INPP5J: variants seen among roughly 807,000 people sequenced by gnomAD.
The protein encoded by INPP5J is inositol polyphosphate-5-phosphatase J.
INPP5J carries 75 observed loss-of-function variants against 86.6 expected under a neutral mutation model. The observed-to-expected ratio is 0.87, with a 90% CI of 0.72 to 1.05. INPP5J has a LOEUF of 1.05. Among genes scored for constraint, INPP5J ranks in the 50% least tolerant of loss-of-function variants. The pLI is 0.00. For missense variants in INPP5J, 1,229 were observed against 1,341.2 expected, an observed-to-expected ratio of 0.92 and a Z score of 1.31; for synonymous variants, 540 against 550.0, an observed-to-expected ratio of 0.98 and a Z score of 0.25.
Position 31,134,034 on chromosome 22 carries a change from G to C in INPP5J, c.2636G>C (p.Gly879Ala), listed in dbSNP as rs1209463383. ...LAPKSRSPSPGKSKRHRSRSP... is the reference protein window; with the variant it reads ...LAPKSRSPSPAKSKRHRSRSP... Reference sequence around the variant, plus strand: ...CCCAAGTCCCGCAGCCCCAGTCCTGGCAAGTCCAAGCGACACCGCAGCCGC... The same window carrying C: ...CCCAAGTCCCGCAGCCCCAGTCCTGCCAAGTCCAAGCGACACCGCAGCCGC... The change falls in exon 13 of 13, where the codon GGC becomes GCC. Residue 879 changes from glycine to alanine, a missense_variant. By Grantham distance (60) the Gly-to-Ala change is moderately conservative. Coordinates refer to ENST00000331075, the MANE Select transcript of INPP5J (RefSeq NM_001284285.2). 1 of 1,602,746 alleles carries C rather than the reference G, an allele frequency of 6.2e-7. No individual in the cohort carries two copies. Among genetic ancestry groups the C allele is most frequent in the Non-Finnish European group, 8.5e-7 (1 of 1,175,710 alleles).
In INPP5J at chr22:31,133,253, G is replaced by A. The variant is rs965133362; in HGVS notation, c.2331+18G>A. 20 of 1,604,690 alleles carry A rather than the reference G, an allele frequency of 1.2e-5. No homozygotes were observed. Among genetic ancestry groups the A allele is most frequent in the Admixed American group, 1.7e-5 (1 of 58,994 alleles). ...TATACCGGGTGAGAGGGGCAGTGGT[G>A]GTCAGCGACTCAGGGAAGAAAGGGG... On this transcript the variant is annotated intron_variant, in intron 10 of 12. Coordinates refer to ENST00000331075, the MANE Select transcript of INPP5J (RefSeq NM_001284285.2).
intron 2 of INPP5J, 144 bp downstream of exon 2, chr22:31,126,154 C>T (rs972878279): frequency 9.2e-5 from 81 of 884,686 alleles, no homozygotes; most frequent in Non-Finnish European, 1.1e-4. Flanking sequence ...CACTCTGTGA[C>T]GCTCAGAAGA....
intron 9 of INPP5J, among the ~76,000 whole-genome samples, chr22:31,132,609 G>A (rs993283739): frequency 2.6e-5 from 4 of 152,028 alleles, no homozygotes; most frequent in African/African-American, 7.3e-5. Flanking sequence ...GCGTGATGGC[G>A]GTACCTGTGG....
At chr22:31,123,235 T>C in intron 1 of INPP5J, 116 bp downstream of exon 1, 1 of 631,162 alleles carries the variant, frequency 1.6e-6, no homozygotes, top group Non-Finnish European at 2.5e-6. Flanking sequence ...TACTTTCCTC[T>C]GCTCAGCGAG....
At chr22:31,132,206 G>T (rs2147884614) in intron 9 of INPP5J, among the ~76,000 whole-genome samples, 1 of 152,346 alleles carries the variant, frequency 6.6e-6, no homozygotes, top group African/African-American at 2.4e-5. Context: ...TAGCGAGTTA[G>T]CAGTAGAGCC....
Position 31,134,112 on chromosome 22 carries a change from A to G in INPP5J, c.2714A>G (p.Glu905Gly), listed in dbSNP as rs745519372. 11 of 1,552,268 alleles carry G rather than the reference A, an allele frequency of 7.1e-6. No homozygotes were observed. Among genetic ancestry groups the G allele is most frequent in the Non-Finnish European group, 9.6e-6 (11 of 1,148,054 alleles). ...PGLALRPSSRERRGASRSPSP... is the reference protein window; with the variant it reads ...PGLALRPSSRGRRGASRSPSP... ...CTTGCCCTACGGCCCTCATCCCGTG[A>G]ACGCCGTGGTGCCAGCCGTAGCCCC... The change falls in exon 13 of 13, where the codon GAA becomes GGA. Residue 905 changes from glutamate to glycine, a missense_variant. By Grantham distance (98) the Glu-to-Gly change is moderately conservative (BLOSUM62 -2). Coordinates refer to ENST00000331075, the MANE Select transcript of INPP5J (RefSeq NM_001284285.2).
Position 31,128,205 on chromosome 22 carries a change from C to A in INPP5J, c.1900-9C>A, listed in dbSNP as rs1411249349. 1.9e-6 allele frequency: 3 copies of A among 1,580,516 alleles called. No individual in the cohort carries two copies. Among genetic ancestry groups the A allele is most frequent in the East Asian group, 2.3e-5 (1 of 43,394 alleles). Reference sequence around the variant, plus strand: ...TGTTGTCCAATCTGCTCTCCTGGACCCCCCACAGCTCAACATGGCCAAGAA... The same window carrying A: ...TGTTGTCCAATCTGCTCTCCTGGACACCCCACAGCTCAACATGGCCAAGAA... On this transcript the variant is annotated splice_polypyrimidine_tract_variant and intron_variant, in intron 7 of 12. Coordinates refer to ENST00000331075, the MANE Select transcript of INPP5J (RefSeq NM_001284285.2).
Position 31,134,603 on chromosome 22 carries a change from GC to G in INPP5J, c.*188del. 1 of 506,194 alleles carries G rather than the reference GC, an allele frequency of 2.0e-6. No individual in the cohort carries two copies. The highest frequency in any genetic ancestry group is 3.3e-6 in the Non-Finnish European group (1 of 306,162). The allele number at this position is 506,194 out of a possible 1,614,324, so 31.4% of individuals were successfully genotyped here. On this transcript the variant is annotated 3_prime_UTR_variant, in exon 13 of 13. Transcript: ENST00000331075. ...CACCTCAACTGTGACAATCAGCAAA[GC>G]CCCACCCAGGCCCCCATCTGGGATG...
chr22:31,134,068 A>G lies in INPP5J; in HGVS notation c.2670A>G (p.Gly890=), dbSNP rs1278865258. 6.4e-7 allele frequency: 1 copy of G among 1,573,830 alleles called. No individual in the cohort carries two copies. Among genetic ancestry groups the G allele is most frequent in the Non-Finnish European group, 8.6e-7 (1 of 1,160,998 alleles). The change falls in exon 13 of 13, where the codon GGA becomes GGG. Residue 890 remains glycine, a synonymous_variant. Coordinates refer to ENST00000331075, the MANE Select transcript of INPP5J (RefSeq NM_001284285.2). ...KSKRHRSRSP[G]LARFPGLALR... ...AGCGACACCGCAGCCGCAGCCCGGG[A>G]CTGGCCAGGTTCCCTGGGCTTGCCC...
intron 12 of INPP5J, 38 bp from the exon 13 acceptor site, chr22:31,133,874 TG>T: frequency 6.2e-7 from 1 of 1,600,224 alleles, no homozygotes. Context: ...GTGGCTGGGT[TG>T]GGGAGCAGGG....
At chr22:31,127,128 C>A in intron 5 of INPP5J, 91 bp downstream of exon 5, 1 of 957,160 alleles carries the variant, frequency 1.0e-6, no homozygotes, top group Non-Finnish European at 1.6e-6. Flanking sequence ...GTCCCCTTCC[C>A]ATCCTCCACC....
Position 31,126,996 on chromosome 22 carries a change from G to A in INPP5J, c.1570G>A (p.Val524Met), listed in dbSNP as rs750582154. Residue 524 changes from valine to methionine, a missense_variant, in exon 5 of 13, where the codon GTG (valine) becomes ATG (methionine). Val to Met is a conservative substitution (Grantham distance 21). Transcript: ENST00000331075. ...CTACCACCTGCCCTTCCTGCGAGAC[G>A]TGCAGACCGACTGCACGCGCACTGG... ...KYYHLPFLRD[V>M]QTDCTRTGLG... 1.3e-5 allele frequency: 21 copies of A among 1,608,736 alleles called. No individual in the cohort carries two copies. Among genetic ancestry groups the A allele is most frequent in the Admixed American group, 5.1e-5 (3 of 59,300 alleles).
intron 5 of INPP5J, 21 bp from the exon 6 acceptor site, chr22:31,127,336 C>A: frequency 6.3e-7 from 1 of 1,590,088 alleles, no homozygotes; most frequent in South Asian, 1.2e-5. Context: ...GCCCATGAGC[C>A]ATCCGACCCT....
Position 31,125,208 on chromosome 22 carries a change from C to A in INPP5J, c.469C>A (p.Pro157Thr). 6.4e-7 allele frequency: 1 copy of A among 1,550,486 alleles called. No individual in the cohort carries two copies. Among genetic ancestry groups the A allele is most frequent in the South Asian group, 1.2e-5 (1 of 84,058 alleles). The change falls in exon 2 of 13, where the codon CCC becomes ACC. Residue 157 changes from proline (P) to threonine (T), a missense_variant. Coordinates refer to ENST00000331075, the MANE Select transcript of INPP5J (RefSeq NM_001284285.2). ...AAGATCTCCCCCAGTCACCCTGGGG[C>A]CCAATCTGGCCCCAACCTCCAGAGA... ...GPRSPPVTLG[P>T]NLAPTSRDQK... is the part of the protein sequence containing the mutation.
intron 6 of INPP5J, 118 bp from the exon 7 acceptor site, chr22:31,127,833 C>G: frequency 2.9e-6 from 2 of 699,748 alleles, no homozygotes; most frequent in Non-Finnish European, 5.1e-6. Context: ...CTCACCCACT[C>G]ACTACATCCC....
chr22:31,125,029 C>T lies in INPP5J; in HGVS notation c.290C>T (p.Thr97Ile), dbSNP rs1161858689. Residue 97 changes from threonine (T) to isoleucine (I), a missense_variant, in exon 2 of 13, where the codon ACA becomes ATA. Thr to Ile is a moderately conservative substitution (Grantham distance 89). Coordinates refer to ENST00000331075, the MANE Select transcript of INPP5J (RefSeq NM_001284285.2). ...APLCTPEGQKTATAHRSSSLA... is the reference protein window; with the variant it reads ...APLCTPEGQKIATAHRSSSLA... ...CTGTGTACCCCTGAAGGGCAGAAAA[C>T]AGCTACTGCCCACCGCAGCTCCAGC... 3.2e-6 allele frequency: 5 copies of T among 1,555,014 alleles called. No individual in the cohort carries two copies. The highest frequency in any genetic ancestry group is 4.3e-6 in the Non-Finnish European group (5 of 1,149,550).
rs574967478 is a variant in INPP5J, at chr22:31,124,977, G to T, written c.238G>T (p.Ala80Ser). 87 of 1,595,348 alleles carry T rather than the reference G, an allele frequency of 5.5e-5. No homozygotes were observed. In the African/African-American group the frequency reaches 1.0e-3, roughly 19 times the overall value. The change falls in exon 2 of 13, where the codon GCA (alanine) becomes TCA (serine). Residue 80 changes from alanine (A) to serine (S), a missense_variant. Transcript: ENST00000331075. ...ASSEGPRLAL[A>S]SPRPILAPLC... Reference sequence around the variant, plus strand: ...CTCGGAAGGACCGAGGCTGGCTCTGGCATCTCCCCGACCAATCCTGGCTCC... The same window carrying T: ...CTCGGAAGGACCGAGGCTGGCTCTGTCATCTCCCCGACCAATCCTGGCTCC...
chr22:31,133,738 T>TG, intron 12 of INPP5J, 24 bp downstream of exon 12: 1 of 1,594,664 alleles, frequency 6.3e-7, no homozygotes, highest in South Asian at 1.1e-5. Flanking sequence ...ACTGCTGGGC[T>TG]GGGGGTGCCT....
rs1922429993 is a variant in INPP5J at position 31,134,585 on chromosome 22, A to G, written c.*166A>G. On this transcript the variant is annotated 3_prime_UTR_variant, in exon 13 of 13. Coordinates refer to ENST00000331075, the MANE Select transcript of INPP5J (RefSeq NM_001284285.2). ...CCCAAAACTCAGTCCTGGCACCTCAACTGTGACAATCAGCAAAGCCCCACC... is the reference window on the plus strand; with the variant it reads ...CCCAAAACTCAGTCCTGGCACCTCAGCTGTGACAATCAGCAAAGCCCCACC... 1 of 599,904 alleles carries G rather than the reference A, an allele frequency of 1.7e-6. No individual in the cohort carries two copies. Among genetic ancestry groups the G allele is most frequent in the Admixed American group, 3.8e-5 (1 of 26,074 alleles). The allele number at this position is 599,904 out of a possible 1,614,324, so 37.2% of individuals were successfully genotyped here. A position where few individuals can be genotyped will look rare whatever the true frequency, so the allele number is the denominator to read the frequency against.
Sources: gnomAD v4.1 joint callset for allele counts (sites outside exome capture counted in the v4.1 genomes callset) on GRCh38, gnomAD v4.1.1 for gene constraint, MANE v1.5 for transcripts, NCBI Gene and HGNC (gene_info 2026-07-23, HGNC 2026-07-21) for gene names.